The following ARHGEF4 variants were observed in gnomAD, a reference collection of about 807,000 sequenced individuals.
The protein encoded by ARHGEF4 is Rho guanine nucleotide exchange factor 4, also known as APC-stimulated guanine nucleotide exchange factor 1.
Under a neutral mutation model 162.0 loss-of-function variants are expected in ARHGEF4, and 119 were observed. The observed-to-expected ratio is 0.73, with a 90% CI of 0.63 to 0.86. The LOEUF (loss-of-function observed/expected upper bound fraction) is 0.86, where lower values mean the gene tolerates loss of function less well. ARHGEF4 is among the 40% of genes least tolerant of loss of function. ARHGEF4 has a pLI of 0.00. For missense variants in ARHGEF4, 2,488 were observed against 2,456.0 expected (o/e 1.01, Z -0.28); for synonymous variants, 1,014 against 979.9 (o/e 1.03, Z -0.65).
intron 3 of ARHGEF4, among the ~76,000 whole-genome samples, chr2:130,934,235 G>A (rs1159087428): frequency 6.6e-6 from 1 of 152,112 alleles, no homozygotes; most frequent in Non-Finnish European, 1.5e-5. Context: ...ATATTACATT[G>A]AATATGTATT....
chr2:131,045,355 T>C lies in ARHGEF4; in HGVS notation c.5402-14T>C, dbSNP rs775278770. ...CGAAGTGGGGCAGCGCCCTCACCTG[T>C]GCCCCTTCCTCAGGCTTCTCCATCA... On this transcript the variant is annotated splice_polypyrimidine_tract_variant and intron_variant, in intron 12 of 13. Coordinates refer to ENST00000409359, the MANE Select transcript of ARHGEF4 (RefSeq NM_001367493.1). 1 of 1,611,282 alleles carries C rather than the reference T, an allele frequency of 6.2e-7. No individual in the cohort carries two copies. Among genetic ancestry groups the C allele is most frequent in the African/African-American group, 1.3e-5 (1 of 75,026 alleles).
At chr2:130,872,803 C>G (rs1256263640) in intron 1 of ARHGEF4, among the ~76,000 whole-genome samples, 1 of 152,190 alleles carries the variant, frequency 6.6e-6, no homozygotes, top group Non-Finnish European at 1.5e-5. Context: ...CTGGGAGCAG[C>G]AGCACCTCAC....
intron 1 of ARHGEF4, among the ~76,000 whole-genome samples, chr2:130,874,204 G>A (rs985650454): frequency 6.6e-6 from 1 of 152,236 alleles, no homozygotes; most frequent in Admixed American, 6.5e-5. Flanking sequence ...ATGTTTGGTG[G>A]TTCTGTTGCA....
At chr2:130,880,671 A>G (rs1574149317) in intron 1 of ARHGEF4, among the ~76,000 whole-genome samples, 4 of 152,210 alleles carry the variant, frequency 2.6e-5, no homozygotes, top group Admixed American at 2.6e-4. Flanking sequence ...ATTAGTTGGG[A>G]CTATAGGTGT....
At chr2:130,868,792 G>A (rs1559009512) in intron 1 of ARHGEF4, among the ~76,000 whole-genome samples, 1 of 152,174 alleles carries the variant, frequency 6.6e-6, no homozygotes, top group Non-Finnish European at 1.5e-5. Flanking sequence ...AAAGCCAGCC[G>A]CACTGGGCTG....
In ARHGEF4 at chr2:130,982,914, T is replaced by C. The variant is rs572588682; in HGVS notation, c.3985+36279T>C. On this transcript the variant is annotated intron_variant, in intron 4 of 13. Coordinates refer to ENST00000409359, the MANE Select transcript of ARHGEF4 (RefSeq NM_001367493.1). ...TATACAGAATTACTATTAACTATAA[T>C]TCTTATCCTTAGTAACCTTAAATTT... is the stretch of plus-strand genomic sequence containing the variant. Among the ~76,000 whole-genome samples, 5 of 152,316 alleles carry C rather than the reference T, an allele frequency of 3.3e-5. No individual in the cohort carries two copies. The South Asian group carries it at 8.3e-4, about 25-fold the overall frequency.
chr2:130,904,966 C>A (rs957945997), intron 1 of ARHGEF4, among the ~76,000 whole-genome samples: 8 of 152,182 alleles, frequency 5.3e-5, no homozygotes, highest in Admixed American at 2.6e-4. Context: ...GTAATCCCAG[C>A]TATTGGGGAG....
At chr2:130,870,881 T>G (rs2104931321) in intron 1 of ARHGEF4, among the ~76,000 whole-genome samples, 1 of 152,032 alleles carries the variant, frequency 6.6e-6, no homozygotes, top group South Asian at 2.1e-4. Context: ...CAGGGTAGGG[T>G]GGGGCAGGTG....
chr2:130,921,980 C>T (rs1681901523), intron 2 of ARHGEF4, among the ~76,000 whole-genome samples: 1 of 152,212 alleles, frequency 6.6e-6, no homozygotes, highest in Admixed American at 6.5e-5. Flanking sequence ...GCATGAGCCA[C>T]TGCACCTGGC....
At chr2:130,984,947 C>T (rs72614450) in intron 4 of ARHGEF4, among the ~76,000 whole-genome samples, 3,628 of 152,076 alleles carry the variant, frequency 0.024, 149 homozygotes, top group East Asian at 0.2. Flanking sequence ...TGCACTTGCC[C>T]GCACACCACA....
intron 1 of ARHGEF4, among the ~76,000 whole-genome samples, chr2:130,906,047 C>A (rs1044841619): frequency 1.3e-5 from 2 of 152,196 alleles, no homozygotes; most frequent in Admixed American, 6.5e-5. Flanking sequence ...CCCTTACTAG[C>A]TGTCAAGAGC....
At chr2:130,924,397 G>T (rs1028210524) in intron 2 of ARHGEF4, among the ~76,000 whole-genome samples, 10 of 151,350 alleles carry the variant, frequency 6.6e-5, no homozygotes, top group African/African-American at 2.4e-4. Flanking sequence ...CTCCCAAGCA[G>T]CTGGGATTAC....
chr2:130,948,157 A>G (rs1683735015), intron 4 of ARHGEF4, among the ~76,000 whole-genome samples: 1 of 152,164 alleles, frequency 6.6e-6, no homozygotes, highest in Non-Finnish European at 1.5e-5. Context: ...CTTGCTAAGG[A>G]ATCAGCTCTG....
At chr2:130,920,056 C>T (rs1333500806) in intron 2 of ARHGEF4, among the ~76,000 whole-genome samples, 4 of 152,102 alleles carry the variant, frequency 2.6e-5, no homozygotes, top group African/African-American at 9.7e-5. Flanking sequence ...CACACCTGGA[C>T]AGCCTGCTTG....
chr2:130,848,302 A>G (rs1397590068), intron 1 of ARHGEF4, among the ~76,000 whole-genome samples: 3 of 152,332 alleles, frequency 2.0e-5, no homozygotes, highest in South Asian at 2.1e-4. Context: ...CTGCCCCAGC[A>G]TACCGACTCG....
At chr2:131,002,566 T>C (rs983260239) in intron 4 of ARHGEF4, among the ~76,000 whole-genome samples, 3 of 151,954 alleles carry the variant, frequency 2.0e-5, no homozygotes, top group African/African-American at 7.2e-5. Context: ...AAAAATTAGC[T>C]GGGCGTGTTG....
intron 4 of ARHGEF4, among the ~76,000 whole-genome samples, chr2:130,996,256 C>T (rs1157779205): frequency 6.6e-6 from 1 of 152,228 alleles, no homozygotes; most frequent in Admixed American, 6.5e-5. Flanking sequence ...GCAAGGCAGC[C>T]CTGCACACTC....
intron 4 of ARHGEF4, among the ~76,000 whole-genome samples, chr2:130,974,399 A>G (rs1685562107): frequency 6.6e-6 from 1 of 152,094 alleles, no homozygotes; most frequent in African/African-American, 2.4e-5. Flanking sequence ...TTAAAAATAA[A>G]ATATATTTAA....
intron 4 of ARHGEF4, among the ~76,000 whole-genome samples, chr2:131,018,943 A>G (rs916652283): frequency 1.3e-5 from 2 of 152,222 alleles, no homozygotes; most frequent in African/African-American, 2.4e-5. Flanking sequence ...CTATTGGTCT[A>G]TATATCTATC....
Sources: allele counts gnomAD v4.1 joint callset (sites outside exome capture counted in the v4.1 genomes callset), GRCh38; gene constraint gnomAD v4.1.1; transcripts MANE v1.5; gene names NCBI Gene and HGNC (gene_info 2026-07-23, HGNC 2026-07-21).